The following UBE2D2 variants were observed in gnomAD, a reference collection of about 807,000 sequenced individuals.
The protein encoded by UBE2D2 is ubiquitin-conjugating enzyme E2 D2.
In UBE2D2, 2 loss-of-function variants were observed where a neutral mutation model predicts 24.2. The observed-to-expected ratio is 0.08, with a 90% CI of 0.03 to 0.26. The LOEUF (loss-of-function observed/expected upper bound fraction) is 0.26, where lower values mean the gene tolerates loss of function less well. UBE2D2 is among the 10% of genes least tolerant of loss of function. The probability of loss-of-function intolerance (pLI) is 1.00; values close to 1 mark genes in which losing one functional copy is unlikely to be tolerated. For synonymous variants in UBE2D2, 58 were observed against 56.5 expected (o/e 1.03, Z -0.12); for missense variants, 44 against 177.6 (o/e 0.25, Z 4.28).
chr5:139,581,853 G>A (rs773226512), intron 1 of UBE2D2, among the ~76,000 whole-genome samples: 1 of 152,116 alleles, frequency 6.6e-6, no homozygotes, highest in Non-Finnish European at 1.5e-5. Context: ...ATTTTTAGTA[G>A]AGACGGAGTT....
rs1451590741 is a variant in UBE2D2, at chr5:139,588,334, GGC to G, written c.25-12034_25-12033del. 5.3e-5 allele frequency among the ~76,000 whole-genome samples: 8 copies of G among 150,986 alleles called. No homozygotes were observed. The East Asian group carries it at 1.6e-3, about 30-fold the overall frequency. ...AGGCTGGAGTGGAGTGGAGTGCAGT[GGC>G]GCGATCTCAGCTCACTGCAACCTCC... On this transcript the variant is annotated intron_variant, in intron 1 of 6. Coordinates refer to ENST00000398733, the MANE Select transcript of UBE2D2 (RefSeq NM_003339.3).
rs760235447 is a variant in UBE2D2, at chr5:139,626,822, C to A, written c.*21C>A. On this transcript the variant is annotated 3_prime_UTR_variant, in exon 7 of 7. Coordinates refer to ENST00000398733, the MANE Select transcript of UBE2D2 (RefSeq NM_003339.3). ...TGTAATTAAAGAAATTATTGGATAACCTCTACAAATAAAGATAGGGGAACT... is the reference window on the plus strand; with the variant it reads ...TGTAATTAAAGAAATTATTGGATAAACTCTACAAATAAAGATAGGGGAACT... 2 of 1,602,260 alleles carry A rather than the reference C, an allele frequency of 1.2e-6. No homozygotes were observed. The highest frequency in any genetic ancestry group is 1.7e-5 in the Admixed American group (1 of 58,450).
At chr5:139,566,077 G>A (rs1055174854) in intron 1 of UBE2D2, among the ~76,000 whole-genome samples, 27 of 148,552 alleles carry the variant, frequency 1.8e-4, no homozygotes, top group South Asian at 4.2e-4. Context: ...GGAGTGCAGT[G>A]TCATGATCTT....
At position 139,541,437 on chromosome 5, in the gene UBE2D2, T is replaced by G. The variant is rs140399864; in HGVS notation, c.-64+14825T>G. ...CAACACAGTGAAACCTCGTCTCTAC[T>G]AAGAATACAAAAATTAGCCAGGCAT... On this transcript the variant is annotated intron_variant, in intron 1 of 6. Transcript: ENST00000511725. Among the ~76,000 whole-genome samples, 50 of 150,932 alleles carry G rather than the reference T, an allele frequency of 3.3e-4. No homozygotes were observed. In the East Asian group the frequency reaches 9.3e-3, roughly 28 times the overall value.
rs552161384 is a variant in UBE2D2, at chr5:139,532,173, CT to C, written c.-64+5576del. Among the ~76,000 whole-genome samples, 337 of 135,722 alleles carry C rather than the reference CT, an allele frequency of 2.5e-3. 1 individual carries two copies. Among genetic ancestry groups the C allele is most frequent in the Middle Eastern group, 3.8e-3 (1 of 260 alleles). 89.0% of individuals were successfully genotyped at this position (135,722 alleles called of 152,430 possible). On this transcript the variant is annotated intron_variant, in intron 1 of 6. Transcript: ENST00000511725. Reference sequence around the variant, plus strand: ...ATATTACATCTAGGAATTTATTCTACTTTTTTTTTTTTTTTGGGGGGGACAG... The same window carrying C: ...ATATTACATCTAGGAATTTATTCTACTTTTTTTTTTTTTTGGGGGGGACAG...
intron 6 of UBE2D2, among the ~76,000 whole-genome samples, 165 bp from the exon 7 acceptor site, chr5:139,626,591 A>G (rs1359755846): frequency 1.3e-5 from 2 of 152,186 alleles, no homozygotes; most frequent in Non-Finnish European, 2.9e-5. Flanking sequence ...GCTCCTTCCC[A>G]TTATCATTGA....
At chr5:139,557,756 A>G (rs1753001542), upstream of UBE2D2, among the ~76,000 whole-genome samples, 1 of 152,088 alleles carries the variant, frequency 6.6e-6, no homozygotes, top group Admixed American at 6.6e-5. Flanking sequence ...CAATAAATAA[A>G]TAAACAAACA....
At chr5:139,527,750 T>G (rs952497506) in intron 1 of UBE2D2, among the ~76,000 whole-genome samples, 1 of 152,132 alleles carries the variant, frequency 6.6e-6, no homozygotes, top group Non-Finnish European at 1.5e-5. Flanking sequence ...AAAGAAAAAA[T>G]TTTATTAAAA....
At chr5:139,554,529 T>C (rs967129573) in intron 1 of UBE2D2, among the ~76,000 whole-genome samples, 1 of 152,206 alleles carries the variant, frequency 6.6e-6, no homozygotes, top group African/African-American at 2.4e-5. Context: ...TGTTGAGCAG[T>C]GTTCCATTGT....
At chr5:139,579,815 C>T (rs56342022) in intron 1 of UBE2D2, among the ~76,000 whole-genome samples, 1 of 151,904 alleles carries the variant, frequency 6.6e-6, no homozygotes, top group South Asian at 2.1e-4. Context: ...TGGAAGGCCG[C>T]GGTGGGCAGA....
chr5:139,547,351 G>A (rs933103564), intron 1 of UBE2D2, among the ~76,000 whole-genome samples: 1 of 152,028 alleles, frequency 6.6e-6, no homozygotes, highest in Non-Finnish European at 1.5e-5. Context: ...TCATGAGTCA[G>A]GGGGTAATTT....
intron 5 of UBE2D2, among the ~76,000 whole-genome samples, chr5:139,617,416 G>A (rs1422139015): frequency 4.8e-5 from 5 of 104,342 alleles, no homozygotes; most frequent in African/African-American, 1.9e-4. Flanking sequence ...CGCTCTTGTT[G>A]CCCAGGCTGG....
intron 1 of UBE2D2, among the ~76,000 whole-genome samples, chr5:139,564,109 A>G (rs1753167157): frequency 6.6e-6 from 1 of 152,150 alleles, no homozygotes; most frequent in African/African-American, 2.4e-5. Context: ...TTTTCCTTAA[A>G]ATATGCCTTT....
intron 1 of UBE2D2, among the ~76,000 whole-genome samples, chr5:139,592,142 C>G (rs184863429): frequency 6.6e-6 from 1 of 152,218 alleles, no homozygotes; most frequent in Admixed American, 6.5e-5. Flanking sequence ...AGACAGGTTG[C>G]AGTGAACCAA....
intron 2 of UBE2D2, among the ~76,000 whole-genome samples, chr5:139,602,339 A>G (rs1405807347): frequency 2.0e-5 from 3 of 152,228 alleles, no homozygotes; most frequent in African/African-American, 7.2e-5. Flanking sequence ...GGCGTGAGCT[A>G]CTGCGCCTGG....
chr5:139,527,149 C>T (rs1033563590), intron 1 of UBE2D2, among the ~76,000 whole-genome samples: 1 of 152,148 alleles, frequency 6.6e-6, no homozygotes, highest in South Asian at 2.1e-4. Flanking sequence ...GACTGGCTAG[C>T]ATTAGAGGTG....
intron 1 of UBE2D2, among the ~76,000 whole-genome samples, chr5:139,551,760 C>A (rs1189164465): frequency 6.6e-6 from 1 of 152,170 alleles, no homozygotes; most frequent in East Asian, 1.9e-4. Context: ...AGGACTCTAA[C>A]CTAGAGGCAT....
upstream of UBE2D2, among the ~76,000 whole-genome samples, chr5:139,558,260 A>T (rs1239311862): frequency 6.6e-6 from 1 of 152,166 alleles, no homozygotes; most frequent in African/African-American, 2.4e-5. Context: ...AAATATTTGA[A>T]ACAGGAAAAT....
intron 5 of UBE2D2, among the ~76,000 whole-genome samples, chr5:139,620,439 C>T (rs1040660224): frequency 2.6e-5 from 4 of 152,158 alleles, no homozygotes; most frequent in African/African-American, 9.7e-5. Flanking sequence ...GTTGTCATTT[C>T]CAGGAAATAC....
Sources: gnomAD v4.1 joint callset for allele counts (sites outside exome capture counted in the v4.1 genomes callset) on GRCh38, gnomAD v4.1.1 for gene constraint, MANE v1.5 for transcripts, NCBI Gene and HGNC (gene_info 2026-07-23, HGNC 2026-07-21) for gene names.